PRDM1: variants seen among roughly 807,000 people sequenced by gnomAD.
The protein encoded by PRDM1 is PR domain zinc finger protein 1.
In PRDM1, 13 loss-of-function variants were observed where a neutral mutation model predicts 62.8. That is an observed-to-expected ratio of 0.21 (90% CI 0.13 to 0.33). PRDM1 has a LOEUF of 0.33. Ranked by LOEUF, PRDM1 falls within the 10% of genes least tolerant of loss-of-function variation. The pLI, the probability that PRDM1 is intolerant of heterozygous loss-of-function variation, is 1.00. For missense variants in PRDM1, 895 were observed against 1,058.8 expected (o/e 0.85, Z 2.15); for synonymous variants, 396 against 417.6 (o/e 0.95, Z 0.63).
chr6:106,026,545 CGTCTGG>C (rs1772769792), intron 1 of PRDM1, among the ~76,000 whole-genome samples: 1 of 152,040 alleles, frequency 6.6e-6, no homozygotes, highest in Non-Finnish European at 1.5e-5. Context: ...ACAATGTTTT[CGTCTGG>C]TGTAGTGGGA....
chr6:105,998,836 G>A (rs1772384699), intron 1 of PRDM1, among the ~76,000 whole-genome samples: 1 of 149,864 alleles, frequency 6.7e-6, no homozygotes, highest in Non-Finnish European at 1.5e-5. Context: ...CCCTTACTGG[G>A]TTACTATAAT....
chr6:106,031,623 C>T (rs1772845520), intron 1 of PRDM1, among the ~76,000 whole-genome samples: 1 of 152,136 alleles, frequency 6.6e-6, no homozygotes. Flanking sequence ...CCAGTGAGAC[C>T]ACCAAGGTGG....
At position 106,029,915 on chromosome 6, in the gene PRDM1, G is replaced by A. The variant is rs538896801; in HGVS notation, c.-67+36276G>A. Among the ~76,000 whole-genome samples, 8 of 151,982 alleles carry A rather than the reference G, an allele frequency of 5.3e-5. No homozygotes were observed. In the East Asian group the frequency reaches 5.8e-4, roughly 11 times the overall value. ...ATTACAGGCATGAGCCACTGCATCC[G>A]GCCTCATTGTATTTGAATTTGCGTT... is the stretch of plus-strand genomic sequence containing the variant. On this transcript the variant is annotated intron_variant, in intron 1 of 6. Coordinates refer to the PRDM1 transcript ENST00000652320.
intron 1 of PRDM1, among the ~76,000 whole-genome samples, chr6:106,031,039 T>C (rs961387455): frequency 7.3e-5 from 11 of 151,448 alleles, no homozygotes; most frequent in Admixed American, 1.3e-4. Context: ...ATAGTGAATA[T>C]GCATTGCTTT....
chr6:106,002,389 T>C (rs942266703), intron 1 of PRDM1, among the ~76,000 whole-genome samples: 1 of 152,180 alleles, frequency 6.6e-6, no homozygotes, highest in Non-Finnish European at 1.5e-5. Flanking sequence ...CATGGTTAGA[T>C]AATGGTGGCT....
intron 2 of PRDM1, among the ~76,000 whole-genome samples, 168 bp from the exon 3 acceptor site, chr6:106,095,447 C>T (rs1487122514): frequency 6.6e-6 from 1 of 152,160 alleles, no homozygotes; most frequent in African/African-American, 2.4e-5. Flanking sequence ...TGGTCTCCCC[C>T]TATGGTGAAG....
upstream of PRDM1, among the ~76,000 whole-genome samples, chr6:105,992,703 G>A (rs1472519726): frequency 1.3e-5 from 2 of 152,130 alleles, no homozygotes; most frequent in African/African-American, 4.8e-5. Context: ...CTATATTTTG[G>A]GCTGTTACCA....
At chr6:106,018,759 A>T (rs1772655856) in intron 1 of PRDM1, among the ~76,000 whole-genome samples, 1 of 152,066 alleles carries the variant, frequency 6.6e-6, no homozygotes, top group Non-Finnish European at 1.5e-5. Context: ...TATCAACATG[A>T]CTTATCACTG....
At chr6:106,049,701 C>CAT (rs907962594) in intron 1 of PRDM1, among the ~76,000 whole-genome samples, 14 of 152,184 alleles carry the variant, frequency 9.2e-5, no homozygotes, top group African/African-American at 3.4e-4. Flanking sequence ...CACACACACA[C>CAT]AAACACACAG....
chr6:106,021,172 A>C (rs1772692538), intron 1 of PRDM1, among the ~76,000 whole-genome samples: 1 of 152,256 alleles, frequency 6.6e-6, no homozygotes, highest in Admixed American at 6.5e-5. Flanking sequence ...TGCCAAGTAT[A>C]AACTGAGCAG....
intron 2 of PRDM1, among the ~76,000 whole-genome samples, chr6:106,091,173 G>T (rs1392704393): frequency 6.6e-6 from 1 of 151,932 alleles, no homozygotes; most frequent in African/African-American, 2.4e-5. Context: ...GCGTTACCCT[G>T]TAGAGTTTCT....
At chr6:106,072,636 C>T (rs948390408) in intron 1 of PRDM1, among the ~76,000 whole-genome samples, 4 of 152,236 alleles carry the variant, frequency 2.6e-5, no homozygotes, top group Non-Finnish European at 4.4e-5. Context: ...CTTTGGGGGG[C>T]TCTGCCCGGA....
upstream of PRDM1, among the ~76,000 whole-genome samples, chr6:106,044,617 G>T (rs1773046749): frequency 1.3e-5 from 2 of 152,122 alleles, no homozygotes; most frequent in South Asian, 4.1e-4. Flanking sequence ...ATCCAAAGTG[G>T]ATCAAAGACC....
Position 106,107,677 on chromosome 6 carries a change from CATATAT to C in PRDM1, c.*208_*213del, listed in dbSNP as rs60217130. 1.2e-4 allele frequency: 23 copies of C among 198,996 alleles called. No individual in the cohort carries two copies. Among genetic ancestry groups the C allele is most frequent in the Non-Finnish European group, 2.1e-4 (21 of 101,528 alleles). The allele number at this position is 198,996 out of a possible 1,614,324, so 12.3% of individuals were successfully genotyped here. On this transcript the variant is annotated 3_prime_UTR_variant, in exon 7 of 7. Transcript: ENST00000369096. ...CTCAGGGCATGAACAAGGCAAAGGCCATATATATATATATATATATATCTGTATACA... is the reference window on the plus strand; with the variant it reads ...CTCAGGGCATGAACAAGGCAAAGGCCATATATATATATATATCTGTATACA...
chr6:106,042,549 AAC>A (rs765626746), intron 1 of PRDM1, among the ~76,000 whole-genome samples: 252 of 151,706 alleles, frequency 1.7e-3, no homozygotes, highest in African/African-American at 5.9e-3. Flanking sequence ...ACAAACAAAC[AAC>A]AACAACAACA....
At chr6:106,090,949 T>A (rs1370559138) in intron 2 of PRDM1, among the ~76,000 whole-genome samples, 2 of 152,150 alleles carry the variant, frequency 1.3e-5, no homozygotes, top group Non-Finnish European at 2.9e-5. Context: ...ATTTTTAGAT[T>A]GGGTTTAGAA....
intron 1 of PRDM1, among the ~76,000 whole-genome samples, chr6:106,013,449 T>A (rs1772581893): frequency 6.6e-6 from 1 of 150,916 alleles, no homozygotes; most frequent in Non-Finnish European, 1.5e-5. Flanking sequence ...TGCCTCAGCC[T>A]CCCGAGTAGC....
intron 2 of PRDM1, among the ~76,000 whole-genome samples, chr6:106,093,046 T>C (rs528115454): frequency 6.6e-6 from 1 of 152,360 alleles, no homozygotes; most frequent in African/African-American, 2.4e-5. Context: ...AGGATTATCA[T>C]AGACCTCTCT....
chr6:106,043,998 T>C (rs962866254), upstream of PRDM1, among the ~76,000 whole-genome samples: 1 of 152,194 alleles, frequency 6.6e-6, no homozygotes, highest in Non-Finnish European at 1.5e-5. Flanking sequence ...TTTTTCTTAC[T>C]TTAATTTTTT....
Sources: gnomAD v4.1 joint callset for allele counts (sites outside exome capture counted in the v4.1 genomes callset) on GRCh38, gnomAD v4.1.1 for gene constraint, MANE v1.5 for transcripts, NCBI Gene and HGNC (gene_info 2026-07-23, HGNC 2026-07-21) for gene names.